SAMMSON: variants seen among roughly 807,000 people sequenced by gnomAD.
SAMMSON encodes the protein survival associated mitochondrial melanoma specific oncogenic non-coding RNA.
intron 7 of SAMMSON, among the ~76,000 whole-genome samples, chr3:70,296,920 A>T (rs1279334310): frequency 1.3e-5 from 2 of 152,050 alleles, no homozygotes; most frequent in African/African-American, 4.8e-5. Context: ...CATATGGCTA[A>T]TAAATCCAGT....
chr3:70,045,994 C>G (rs569344977), intron 3 of SAMMSON, among the ~76,000 whole-genome samples: 1 of 152,008 alleles, frequency 6.6e-6, no homozygotes, highest in African/African-American at 2.4e-5. Flanking sequence ...AAGCATCACT[C>G]GGGGGCCATA....
chr3:70,112,621 C>T (rs1471234359), intron 4 of SAMMSON, among the ~76,000 whole-genome samples: 1 of 152,060 alleles, frequency 6.6e-6, no homozygotes, highest in African/African-American at 2.4e-5. Flanking sequence ...TGCAAGTGCT[C>T]TTGGGTACAT....
chr3:70,054,964 T>G (rs770592804), intron 3 of SAMMSON, among the ~76,000 whole-genome samples: 10 of 152,152 alleles, frequency 6.6e-5, no homozygotes, highest in African/African-American at 9.6e-5. Flanking sequence ...AAAAACACCA[T>G]GCATATCAAT....
intron 7 of SAMMSON, among the ~76,000 whole-genome samples, chr3:70,351,632 T>C (rs2106735040): frequency 6.6e-6 from 1 of 152,212 alleles, no homozygotes; most frequent in Middle Eastern, 3.4e-3. Flanking sequence ...TTTTACCTCA[T>C]ATATCCCACA....
chr3:70,134,273 T>A (rs1354095187), intron 4 of SAMMSON, among the ~76,000 whole-genome samples: 13 of 146,270 alleles, frequency 8.9e-5, no homozygotes, highest in South Asian at 2.2e-4. Context: ...AAAAAAAAAA[T>A]ATTAAATGAA....
At chr3:70,290,307 G>T (rs1183847267) in intron 6 of SAMMSON, among the ~76,000 whole-genome samples, 2 of 151,778 alleles carry the variant, frequency 1.3e-5, no homozygotes, top group African/African-American at 4.8e-5. Flanking sequence ...AGGTCTGTTG[G>T]AGTACCCTGC....
At chr3:70,116,608 G>A (rs548452501) in intron 4 of SAMMSON, among the ~76,000 whole-genome samples, 1 of 151,954 alleles carries the variant, frequency 6.6e-6, no homozygotes, top group South Asian at 2.1e-4. Flanking sequence ...AGTATTTCTG[G>A]CTGCAAGTGA....
At chr3:70,106,525 A>T (rs1459123865) in intron 4 of SAMMSON, among the ~76,000 whole-genome samples, 8 of 149,020 alleles carry the variant, frequency 5.4e-5, no homozygotes, top group African/African-American at 2.0e-4. Flanking sequence ...TTTTTTCTAG[A>T]GATAGAGTCT....
At chr3:70,158,069 A>G (rs150234076) in intron 4 of SAMMSON, among the ~76,000 whole-genome samples, 2 of 152,102 alleles carry the variant, frequency 1.3e-5, no homozygotes, top group Non-Finnish European at 2.9e-5. Context: ...CATATCAGAT[A>G]ATTTACCCTT....
intron 2 of SAMMSON, among the ~76,000 whole-genome samples, chr3:70,419,267 A>G (rs1185262232): frequency 2.0e-5 from 3 of 151,830 alleles, no homozygotes; most frequent in Admixed American, 6.6e-5. Flanking sequence ...TCCTGGGCTC[A>G]GGCGATCCAC....
At chr3:70,117,288 A>G (rs767456953) in intron 4 of SAMMSON, among the ~76,000 whole-genome samples, 7 of 152,250 alleles carry the variant, frequency 4.6e-5, no homozygotes, top group Admixed American at 2.0e-4. Context: ...GAAATCTTCA[A>G]TTAAGAGGTT....
chr3:70,104,929 A>C (rs2067361634), intron 4 of SAMMSON, among the ~76,000 whole-genome samples: 1 of 152,198 alleles, frequency 6.6e-6, no homozygotes, highest in Non-Finnish European at 1.5e-5. Context: ...GTAGGTTCTC[A>C]GTAGCCTCAA....
intron 4 of SAMMSON, among the ~76,000 whole-genome samples, chr3:70,091,755 A>G (rs888904561): frequency 4.6e-5 from 7 of 152,180 alleles, no homozygotes; most frequent in East Asian, 1.9e-4. Flanking sequence ...CAGGCACACA[A>G]TAGATGCTGG....
At chr3:70,342,633 C>T (rs1016349747) in intron 7 of SAMMSON, among the ~76,000 whole-genome samples, 37 of 152,084 alleles carry the variant, frequency 2.4e-4, no homozygotes, top group Admixed American at 2.0e-3. Flanking sequence ...TTTAGGAATT[C>T]TGCTGAAGCA....
chr3:70,138,605 C>G (rs2106679080), intron 4 of SAMMSON, among the ~76,000 whole-genome samples: 1 of 152,306 alleles, frequency 6.6e-6, no homozygotes, highest in African/African-American at 2.4e-5. Flanking sequence ...TTGCATTCTG[C>G]TTTTGTTCTC....
chr3:70,158,657 G>C (rs1463574241), intron 4 of SAMMSON, among the ~76,000 whole-genome samples: 1 of 151,888 alleles, frequency 6.6e-6, no homozygotes, highest in Non-Finnish European at 1.5e-5. Context: ...CACATCAAGA[G>C]AAGCCAAGAG....
At chr3:70,035,907 A>G (rs2067083620) in intron 3 of SAMMSON, among the ~76,000 whole-genome samples, 2 of 152,210 alleles carry the variant, frequency 1.3e-5, no homozygotes, top group Non-Finnish European at 2.9e-5. Context: ...TAAATAAAGT[A>G]TAACAAAGAT....
chr3:70,335,693 A>G (rs979655001), intron 7 of SAMMSON, among the ~76,000 whole-genome samples: 1 of 152,122 alleles, frequency 6.6e-6, no homozygotes, highest in East Asian at 1.9e-4. Context: ...GGTTCATATC[A>G]TGCTTGCGAA....
chr3:70,332,327 T>G (rs1460947081), intron 7 of SAMMSON, among the ~76,000 whole-genome samples: 1 of 152,166 alleles, frequency 6.6e-6, no homozygotes, highest in African/African-American at 2.4e-5. Context: ...TTGAAAGGAC[T>G]TCCCCGCTCC....
Sources: allele counts gnomAD v4.1 joint callset (sites outside exome capture counted in the v4.1 genomes callset), GRCh38; gene constraint gnomAD v4.1.1; transcripts MANE v1.5; gene names NCBI Gene and HGNC (gene_info 2026-07-23, HGNC 2026-07-21).